PCDHGA2: variants seen among roughly 807,000 people sequenced by gnomAD.
PCDHGA2 encodes the protein protocadherin gamma subfamily A, 2.
A neutral mutation model predicts 59.2 loss-of-function variants in PCDHGA2; 40 were observed. That is an observed-to-expected ratio of 0.68 (90% CI 0.52 to 0.88). The LOEUF is 0.88. Among genes scored for constraint, PCDHGA2 ranks in the 40% least tolerant of loss-of-function variants. The pLI, the probability that PCDHGA2 is intolerant of heterozygous loss-of-function variation, is 0.00. For missense variants in PCDHGA2, 1,226 were observed against 1,204.0 expected (o/e 1.02, Z -0.27); for synonymous variants, 560 against 526.0 (o/e 1.06, Z -0.89).
At chr5:141,388,559 T>C in intron 1 of PCDHGA2, 1 of 1,613,890 alleles carries the variant, frequency 6.2e-7, no homozygotes, top group Non-Finnish European at 8.5e-7. Context: ...TAAGCAGCAC[T>C]GCACAGATAC....
At chr5:141,348,909 G>A (rs1479901562) in intron 1 of PCDHGA2, among the ~76,000 whole-genome samples, 3 of 152,124 alleles carry the variant, frequency 2.0e-5, no homozygotes, top group Admixed American at 2.0e-4. Flanking sequence ...TGAAATAAAG[G>A]GATTTGCTTT....
chr5:141,395,025 T>C, intron 1 of PCDHGA2: 1 of 1,614,116 alleles, frequency 6.2e-7, no homozygotes, highest in Non-Finnish European at 8.5e-7. Flanking sequence ...CGTGCCTGCC[T>C]CACATTTTGT....
At chr5:141,501,557 G>A (rs192507373) in intron 2 of PCDHGA2, among the ~76,000 whole-genome samples, 1 of 152,124 alleles carries the variant, frequency 6.6e-6, no homozygotes, top group Non-Finnish European at 1.5e-5. Context: ...CATAGGCCCT[G>A]GAATCATATT....
chr5:141,458,059 T>G (rs533147047), intron 1 of PCDHGA2, among the ~76,000 whole-genome samples: 39 of 152,358 alleles, frequency 2.6e-4, no homozygotes, highest in African/African-American at 8.9e-4. Context: ...CTTGCTGCAC[T>G]GATGCGAACA....
Position 141,487,665 on chromosome 5 carries a change from G to T in PCDHGA2, c.2425-7142G>T, listed in dbSNP as rs373971935. 8.7e-5 allele frequency: 141 copies of T among 1,612,724 alleles called. No individual in the cohort carries two copies. The highest frequency in any genetic ancestry group is 1.1e-4 in the Non-Finnish European group (135 of 1,179,392). On this transcript the variant is annotated intron_variant, in intron 1 of 3. Coordinates refer to ENST00000394576, the MANE Select transcript of PCDHGA2 (RefSeq NM_018915.4). The surrounding 1 kb of genome is among the most constrained non-coding windows in gnomAD (Gnocchi z 5.0). ...ATGCTTGAGGGTTATTCTGATCCAG[G>T]CATATGGCTAGGCCATGTCCTAGAG...
At position 141,477,372 on chromosome 5, in the gene PCDHGA2, CTG is replaced by C; in HGVS notation, c.2425-17432_2425-17431del. On this transcript the variant is annotated intron_variant, in intron 1 of 3. Transcript: ENST00000394576. This position sits in a 1 kb window ranked among gnomAD's most constrained non-coding sequence, Gnocchi z 4.9. ...ACCAGTGCAGACCTGGATCGGGAGA[CTG>C]TGCCAGAATACAACCTCAGCATCAC... The C allele has an allele frequency of 6.2e-7, 1 of 1,614,154 alleles. No homozygotes were observed. The highest frequency in any genetic ancestry group is 8.5e-7 in the Non-Finnish European group (1 of 1,180,030).
At position 141,487,946 on chromosome 5, in the gene PCDHGA2, C is replaced by G. The variant is rs187890859; in HGVS notation, c.2425-6861C>G. 7.9e-5 allele frequency among the ~76,000 whole-genome samples: 12 copies of G among 152,298 alleles called. No homozygotes were observed. The highest frequency in any genetic ancestry group is 7.8e-4 in the Admixed American group (12 of 15,304). Reference sequence around the variant, plus strand: ...AGTGCACAGGGTACAGTGCACCAGGCAGTCACTTGGACAAAGGTGGCTGTT... The same window carrying G: ...AGTGCACAGGGTACAGTGCACCAGGGAGTCACTTGGACAAAGGTGGCTGTT... On this transcript the variant is annotated intron_variant, in intron 1 of 3. Transcript: ENST00000394576. The surrounding 1 kb of genome is among the most constrained non-coding windows in gnomAD (Gnocchi z 5.0).
At chr5:141,419,552 C>T in intron 1 of PCDHGA2, 1 of 1,612,014 alleles carries the variant, frequency 6.2e-7, no homozygotes, top group Non-Finnish European at 8.5e-7. Flanking sequence ...GGTGCTGTAC[C>T]CTGCGCTGGG....
chr5:141,376,559 C>T, intron 1 of PCDHGA2: 1 of 1,609,498 alleles, frequency 6.2e-7, no homozygotes, highest in Non-Finnish European at 8.5e-7. Flanking sequence ...TCCCGCAACC[C>T]AACTAATCAG....
chr5:141,366,569 C>A (rs766850721), intron 1 of PCDHGA2: 1 of 1,614,110 alleles, frequency 6.2e-7, no homozygotes, highest in Non-Finnish European at 8.5e-7. Context: ...GGATGGGGTT[C>A]GGGCTTTCCT....
chr5:141,371,362 A>G (rs1767701466), intron 1 of PCDHGA2: 1 of 1,614,014 alleles, frequency 6.2e-7, no homozygotes, highest in Non-Finnish European at 8.5e-7. Context: ...GAAGCAAAGG[A>G]TGGTGGACAT....
Position 141,489,424 on chromosome 5 carries a change from C to T in PCDHGA2, c.2425-5383C>T, listed in dbSNP as rs758049228. The T allele has an allele frequency of 5.0e-5, 80 of 1,613,958 alleles. No homozygotes were observed. In the Admixed American group the frequency reaches 1.1e-3, roughly 23 times the overall value. On this transcript the variant is annotated intron_variant, in intron 1 of 3. Coordinates refer to ENST00000394576, the MANE Select transcript of PCDHGA2 (RefSeq NM_018915.4). The surrounding 1 kb of genome is among the most constrained non-coding windows in gnomAD (Gnocchi z 4.5). ...CTTAAAGATGACAGATCTGTTGAGC[C>T]GGCGGCTGCAATTGGGCTCTGAGGA...
Position 141,453,270 on chromosome 5 carries a change from T to C in PCDHGA2, c.2425-41537T>C, listed in dbSNP as rs1592250907. 4.6e-5 allele frequency among the ~76,000 whole-genome samples: 7 copies of C among 152,146 alleles called. No homozygotes were observed. In the South Asian group the frequency reaches 1.5e-3, roughly 32 times the overall value. On this transcript the variant is annotated intron_variant, in intron 1 of 3. Transcript: ENST00000394576. The stretch of plus-strand genomic sequence containing the variant: ...CTGGGGCTGCAAGTGCACACCACCA[T>C]GACTGGCTAATTTTTTAATTATTTA...
intron 1 of PCDHGA2, among the ~76,000 whole-genome samples, chr5:141,438,935 G>A (rs1306603362): frequency 6.6e-6 from 1 of 151,810 alleles, no homozygotes; most frequent in African/African-American, 2.4e-5. Context: ...CAAAGTGCTG[G>A]GATTATAGGC....
chr5:141,405,419 T>C, intron 1 of PCDHGA2: 7 of 1,509,010 alleles, frequency 4.6e-6, no homozygotes, highest in Non-Finnish European at 5.4e-6. Flanking sequence ...TTTTTTGTTT[T>C]TTGTTTTGTT....
intron 1 of PCDHGA2, chr5:141,400,114 A>G: frequency 6.2e-7 from 1 of 1,614,074 alleles, no homozygotes; most frequent in Admixed American, 1.7e-5. Context: ...CTTTGCTGAC[A>G]GCTTGCAGGA....
chr5:141,423,970 A>C, intron 1 of PCDHGA2: 1 of 1,143,228 alleles, frequency 8.7e-7, no homozygotes, highest in Non-Finnish European at 1.1e-6. Flanking sequence ...TTCTATTATC[A>C]GTGTATGAGG....
chr5:141,340,855 G>C lies in PCDHGA2; in HGVS notation c.1884G>C (p.Thr628=), dbSNP rs779773904. The C allele has an allele frequency of 6.2e-7, 1 of 1,613,608 alleles. No homozygotes were observed. The highest frequency in any genetic ancestry group is 1.1e-5 in the South Asian group (1 of 91,036). The change falls in exon 1 of 4, where the codon ACG becomes ACC. Residue 628 remains threonine (T), a synonymous_variant. Coordinates refer to ENST00000394576, the MANE Select transcript of PCDHGA2 (RefSeq NM_018915.4). ...GTCTGCACACGGGCGAGGTGCGCAC[G>C]GCGCGAGCCCTGCTGGACAGAGACG... is the stretch of plus-strand genomic sequence containing the variant. ...SVGLHTGEVR[T]ARALLDRDAL...
rs932003988 is a variant in PCDHGA2 at position 141,363,453 on chromosome 5, G to A, written c.2424+22058G>A. Reference sequence around the variant, plus strand: ...ATAGAAAGGTCACTCAGTACTTCTCGACAAGTATCTGCTCATGCTTTCCTG... The same window carrying A: ...ATAGAAAGGTCACTCAGTACTTCTCAACAAGTATCTGCTCATGCTTTCCTG... On this transcript the variant is annotated intron_variant, in intron 1 of 3. Transcript: ENST00000394576. 5.9e-5 allele frequency among the ~76,000 whole-genome samples: 9 copies of A among 152,136 alleles called. No homozygotes were observed. In the South Asian group the frequency reaches 1.2e-3, roughly 21 times the overall value.
Sources: gnomAD v4.1 joint callset for allele counts (sites outside exome capture counted in the v4.1 genomes callset) on GRCh38, gnomAD v4.1.1 for gene constraint, Gnocchi (gnomAD v3.1) non-coding constraint, MANE v1.5 for transcripts, NCBI Gene and HGNC (gene_info 2026-07-23, HGNC 2026-07-21) for gene names.